Variants in HMCN1 observed in about 807,000 individuals in gnomAD.
HMCN1 encodes hemicentin 1, also known as hemicentin-1.
Under a neutral mutation model 625.9 loss-of-function variants are expected in HMCN1, and 321 were observed. The ratio of observed to expected loss-of-function variants is 0.51; its 90% CI spans 0.47 to 0.56. HMCN1 has a LOEUF of 0.56. HMCN1 is among the 20% of genes least tolerant of loss of function. The probability of loss-of-function intolerance (pLI) is 0.00; values close to 1 mark genes in which losing one functional copy is unlikely to be tolerated. For synonymous variants in HMCN1, 2,425 were observed against 2,417.6 expected, an observed-to-expected ratio of 1.00 and a Z score of -0.09; for missense variants, 6,588 against 6,887.3, an observed-to-expected ratio of 0.96 and a Z score of 1.54.
At chr1:185,857,563 T>A (rs1205542947) in intron 2 of HMCN1, among the ~76,000 whole-genome samples, 1 of 152,040 alleles carries the variant, frequency 6.6e-6, no homozygotes, top group Non-Finnish European at 1.5e-5. Flanking sequence ...TCATCCTGAC[T>A]GTATGCCAGG....
intron 4 of HMCN1, among the ~76,000 whole-genome samples, chr1:185,873,940 C>G (rs1663781588): frequency 6.6e-6 from 1 of 151,840 alleles, no homozygotes; most frequent in Non-Finnish European, 1.5e-5. Flanking sequence ...TACTATCTAT[C>G]TGAAAGAAAA....
intron 1 of HMCN1, among the ~76,000 whole-genome samples, chr1:185,779,739 G>T (rs940048231): frequency 6.6e-6 from 1 of 152,162 alleles, no homozygotes; most frequent in Non-Finnish European, 1.5e-5. Context: ...ATGCTGTTTT[G>T]GTTACTGTAG....
intron 1 of HMCN1, among the ~76,000 whole-genome samples, chr1:185,788,513 G>C (rs1657775261): frequency 6.6e-6 from 1 of 152,182 alleles, no homozygotes; most frequent in African/African-American, 2.4e-5. Context: ...CTATGCATGA[G>C]GTTTGGTTGG....
intron 4 of HMCN1, among the ~76,000 whole-genome samples, chr1:185,866,452 T>G (rs933256282): frequency 6.8e-6 from 1 of 146,386 alleles, no homozygotes; most frequent in African/African-American, 2.6e-5. Context: ...TCACCTAGGC[T>G]GGAGTGCAGT....
At chr1:186,039,703 T>C (rs767188849) in intron 38 of HMCN1, 25 bp from the exon 39 acceptor site, 48 of 1,610,974 alleles carry the variant, frequency 3.0e-5, no homozygotes, top group South Asian at 4.4e-5. Context: ...TATTAACGTG[T>C]CTTACTTTCA....
chr1:185,837,193 G>T (rs1046929884), intron 1 of HMCN1, among the ~76,000 whole-genome samples: 1 of 151,922 alleles, frequency 6.6e-6, no homozygotes, highest in East Asian at 1.9e-4. Context: ...TGTAATACAT[G>T]TAACTGTAAT....
At position 186,117,020 on chromosome 1, in the gene HMCN1, T is replaced by A; in HGVS notation, c.11588T>A (p.Ile3863Asn). Residue 3863 changes from isoleucine to asparagine, a missense_variant, in exon 76 of 107, where the codon ATT becomes AAT. Transcript: ENST00000271588. Reference sequence around the variant, plus strand: ...CTCCTTTCTTCAGGTTCACTAGTAATTATTTCCCCTTCTGTGGATGACACT... The same window carrying A: ...CTCCTTTCTTCAGGTTCACTAGTAAATATTTCCCCTTCTGTGGATGACACT... ...YRLLSSGSLV[I>N]ISPSVDDTAT... 1 of 1,613,340 alleles carries A rather than the reference T, an allele frequency of 6.2e-7. No homozygotes were observed. The highest frequency in any genetic ancestry group is 8.5e-7 in the Non-Finnish European group (1 of 1,179,396).
intron 15 of HMCN1, among the ~76,000 whole-genome samples, chr1:185,977,506 A>G (rs1215035743): frequency 1.3e-5 from 2 of 152,148 alleles, no homozygotes; most frequent in African/African-American, 2.4e-5. Flanking sequence ...AGAGTGAAAG[A>G]TTCTCTTTAT....
intron 1 of HMCN1, among the ~76,000 whole-genome samples, chr1:185,739,313 G>T (rs893433856): frequency 3.3e-5 from 5 of 152,116 alleles, no homozygotes; most frequent in African/African-American, 1.2e-4. Flanking sequence ...GGTGCAACAT[G>T]CTGTTATTGA....
chr1:186,126,710 C>G (rs1661663566), intron 82 of HMCN1, among the ~76,000 whole-genome samples: 1 of 152,102 alleles, frequency 6.6e-6, no homozygotes, highest in South Asian at 2.1e-4. Context: ...CCAGTGAAAG[C>G]AAAGCAAAGA....
intron 2 of HMCN1, among the ~76,000 whole-genome samples, chr1:185,854,340 G>C (rs1027665994): frequency 2.1e-4 from 32 of 152,098 alleles, no homozygotes; most frequent in Admixed American, 1.3e-4. Context: ...TATTGGAATT[G>C]ATTTTGAATA....
chr1:186,006,330 G>A (rs1463342924), intron 29 of HMCN1, among the ~76,000 whole-genome samples: 2 of 152,032 alleles, frequency 1.3e-5, no homozygotes, highest in Non-Finnish European at 2.9e-5. Context: ...TATTCATTAT[G>A]TGGCTAAGTC....
In HMCN1 at chr1:186,076,636, C is replaced by T. The variant is rs201345841; in HGVS notation, c.8485+14C>T. 7.0e-5 allele frequency: 112 copies of T among 1,609,166 alleles called. 1 individual carries two copies. The highest frequency in any genetic ancestry group is 2.8e-4 in the Admixed American group (17 of 59,928). ...TGATTTTGCCAGGTAAAGATTGATA[C>T]CAACAGGGTGAAAAGCTGACTCTCT... On this transcript the variant is annotated intron_variant, in intron 54 of 106. Coordinates refer to ENST00000271588, the MANE Select transcript of HMCN1 (RefSeq NM_031935.3).
intron 39 of HMCN1, 100 bp downstream of exon 39, chr1:186,039,979 T>A: frequency 8.5e-7 from 1 of 1,176,342 alleles, no homozygotes; most frequent in Non-Finnish European, 1.3e-6. Context: ...GAACAAGGAT[T>A]AACAGATGCT....
rs139899015 is a variant in HMCN1, at chr1:186,065,401, G to A, written c.7677G>A (p.Lys2559=). 9.9e-6 allele frequency: 16 copies of A among 1,608,578 alleles called. No individual in the cohort carries two copies. The highest frequency in any genetic ancestry group is 1.3e-5 in the Non-Finnish European group (15 of 1,179,490). The stretch of plus-strand genomic sequence containing the variant: ...TGGCTTCCAGTCCAGCTGGCCACAA[G>A]AGCAGGAGCTTCAGTCTTAATGTAT... ...TCLASSPAGH[K]SRSFSLNVFV... Residue 2559 remains lysine, a synonymous_variant, in exon 49 of 107, where the codon AAG becomes AAA. Coordinates refer to ENST00000271588, the MANE Select transcript of HMCN1 (RefSeq NM_031935.3).
At position 185,855,429 on chromosome 1, in the gene HMCN1, T is replaced by C. The variant is rs184836106; in HGVS notation, c.340-9041T>C. ...TACGGTTAACCCTGCCTGCTTCTTC[T>C]TTTTATTCTTGGTTGTCTCCATCCT... is the stretch of plus-strand genomic sequence containing the variant. On this transcript the variant is annotated intron_variant, in intron 2 of 106. Transcript: ENST00000271588. Among the ~76,000 whole-genome samples the C allele has an allele frequency of 7.6e-4, 115 of 152,304 alleles. 1 individual carries two copies. The highest frequency in any genetic ancestry group is 4.1e-4 in the South Asian group (2 of 4,824).
chr1:186,103,398 T>C, intron 68 of HMCN1, 74 bp from the exon 69 acceptor site: 1 of 1,242,674 alleles, frequency 8.0e-7, no homozygotes, highest in Non-Finnish European at 1.2e-6. Flanking sequence ...TTGTGTTGGA[T>C]TTTCAAGTTT....
chr1:186,005,752 A>G (rs1653586295), intron 29 of HMCN1, among the ~76,000 whole-genome samples: 1 of 152,168 alleles, frequency 6.6e-6, no homozygotes, highest in Non-Finnish European at 1.5e-5. Context: ...TTTTTTGTTT[A>G]AAATTTTATG....
chr1:186,115,309 T>C lies in HMCN1; in HGVS notation c.11456T>C (p.Val3819Ala). ...ACCAACATGACTGTAATAGTAAATG[T>C]TCAAACTACTCTGGCTTGTGAGGCT... ...GPTNMTVIVN[V>A]QTTLACEATG... is the part of the protein sequence containing the mutation. Residue 3819 changes from valine to alanine, a missense_variant, in exon 75 of 107, where the codon GTT becomes GCT. Val to Ala is a moderately conservative substitution (Grantham distance 64, BLOSUM62 0). Coordinates refer to ENST00000271588, the MANE Select transcript of HMCN1 (RefSeq NM_031935.3). 6.2e-7 allele frequency: 1 copy of C among 1,614,092 alleles called. No individual in the cohort carries two copies. Among genetic ancestry groups the C allele is most frequent in the Non-Finnish European group, 8.5e-7 (1 of 1,179,980 alleles).
Sources: gnomAD v4.1 joint callset for allele counts (sites outside exome capture counted in the v4.1 genomes callset) on GRCh38, gnomAD v4.1.1 for gene constraint, MANE v1.5 for transcripts, NCBI Gene and HGNC (gene_info 2026-07-23, HGNC 2026-07-21) for gene names.